Variants in KHDRBS2 observed in about 807,000 individuals in gnomAD.
KHDRBS2 encodes KH RNA binding domain containing, signal transduction associated 2.
KHDRBS2 carries 26 observed loss-of-function variants against 44.3 expected under a neutral mutation model. That is an observed-to-expected ratio of 0.59 (90% CI 0.43 to 0.81). The LOEUF (loss-of-function observed/expected upper bound fraction) is 0.81. Among genes scored for constraint, KHDRBS2 ranks in the 40% least tolerant of loss-of-function variants. The pLI is 0.00. For missense variants in KHDRBS2, 476 were observed against 433.1 expected (o/e 1.10, Z -0.88); for synonymous variants, 194 against 151.1 (o/e 1.28, Z -2.08).
intron 2 of KHDRBS2, among the ~76,000 whole-genome samples, chr6:62,064,718 T>G (rs977364731): frequency 6.6e-6 from 1 of 152,224 alleles, no homozygotes; most frequent in Middle Eastern, 3.4e-3. Flanking sequence ...GTCACAGGCA[T>G]GGGCAAGGGC....
At position 62,219,870 on chromosome 6, in the gene KHDRBS2, T is replaced by A. The variant is rs1830598830; in HGVS notation, c.92-42558A>T. Among the ~76,000 whole-genome samples, 8 of 147,360 alleles carry A rather than the reference T, an allele frequency of 5.4e-5. No individual in the cohort carries two copies. In the South Asian group the frequency reaches 1.5e-3, roughly 27 times the overall value. ...ATAACTTGAAATTATGTGCATAGTT[T>A]TATATATATAACTGTATATACAATC... On this transcript the variant is annotated intron_variant, in intron 1 of 8. Transcript: ENST00000281156.
intron 1 of KHDRBS2, among the ~76,000 whole-genome samples, chr6:62,234,071 T>C (rs191158153): frequency 2.4e-4 from 37 of 152,184 alleles, no homozygotes; most frequent in African/African-American, 8.7e-4. Context: ...AAAAGCAATA[T>C]GTTCAGAAAA....
At chr6:61,719,466 GAAAA>G (rs916872910) in intron 7 of KHDRBS2, among the ~76,000 whole-genome samples, 1 of 148,650 alleles carries the variant, frequency 6.7e-6, no homozygotes, top group South Asian at 2.1e-4. Flanking sequence ...GGAGTATGTA[GAAAA>G]AAAAAGGTTA....
At chr6:61,658,532 T>C in the KHDRBS2 span, among the ~76,000 whole-genome samples, 1 of 151,938 alleles carries the variant, frequency 6.6e-6, no homozygotes, top group Non-Finnish European at 1.5e-5. Context: ...GTTACACATA[T>C]ATTTTAATCC....
intron 7 of KHDRBS2, among the ~76,000 whole-genome samples, chr6:61,723,940 T>C (rs1773126263): frequency 6.6e-6 from 1 of 152,090 alleles, no homozygotes; most frequent in Non-Finnish European, 1.5e-5. Flanking sequence ...CAGGCCAATA[T>C]TCAAATTCAG....
At chr6:62,089,805 C>G (rs372939797) in intron 2 of KHDRBS2, among the ~76,000 whole-genome samples, 1 of 152,228 alleles carries the variant, frequency 6.6e-6, no homozygotes, top group South Asian at 2.1e-4. Flanking sequence ...TTAATTCACT[C>G]TGAAGTAATT....
the KHDRBS2 span, chr6:61,630,625 C>A: frequency 6.6e-6 from 1 of 152,108 alleles, no homozygotes. Context: ...CCAAATGATG[C>A]CTGAAACAAG....
chr6:61,758,372 G>T (rs1186855441), intron 6 of KHDRBS2, among the ~76,000 whole-genome samples: 4 of 151,472 alleles, frequency 2.6e-5, no homozygotes, highest in Non-Finnish European at 5.9e-5. Context: ...CCTTTATTCT[G>T]CTTGTAAGTA....
chr6:62,219,418 A>C (rs16882289), intron 1 of KHDRBS2, among the ~76,000 whole-genome samples: 1,693 of 152,016 alleles, frequency 0.011, 33 homozygotes, highest in African/African-American at 0.039. Context: ...TAAAGACATC[A>C]ATCCACAAAT....
chr6:61,687,650 T>C (rs111816390), intron 8 of KHDRBS2, among the ~76,000 whole-genome samples: 9 of 151,886 alleles, frequency 5.9e-5, no homozygotes, highest in African/African-American at 1.9e-4. Flanking sequence ...TATTTTTATA[T>C]TATTGTGCTT....
In KHDRBS2 at chr6:62,014,059, T is replaced by C. The variant is rs143394841; in HGVS notation, c.336+33819A>G. ...ACTAAGTGGATTGTTGCAGAGAGTA[T>C]GAATGACACTGATTAATATTTCTAA... On this transcript the variant is annotated intron_variant, in intron 3 of 8. Coordinates refer to ENST00000281156, the MANE Select transcript of KHDRBS2 (RefSeq NM_152688.4). Among the ~76,000 whole-genome samples, 186 of 152,256 alleles carry C rather than the reference T, an allele frequency of 1.2e-3. 2 individuals are homozygous for C. The highest frequency in any genetic ancestry group is 4.2e-3 in the African/African-American group (174 of 41,562).
chr6:62,164,482 T>C (rs1818273015), intron 2 of KHDRBS2, among the ~76,000 whole-genome samples: 1 of 151,846 alleles, frequency 6.6e-6, no homozygotes, highest in African/African-American at 2.4e-5. Context: ...GAAAGTAACA[T>C]TAATAATAAC....
In KHDRBS2 at chr6:61,680,512, A is replaced by C. The variant is rs565393246; in HGVS notation, c.*451T>G. ...TAACAGATATTAAAAGACAGGTTAA[A>C]ACATCTTATCTACAACTTTATTATC... On this transcript the variant is annotated 3_prime_UTR_variant, in exon 9 of 9. Transcript: ENST00000281156. 6.6e-6 allele frequency: 1 copy of C among 152,606 alleles called. No homozygotes were observed. Among genetic ancestry groups the C allele is most frequent in the South Asian group, 2.1e-4 (1 of 4,828 alleles). The allele number at this position is 152,606 out of a possible 1,614,324, so 9.5% of individuals were successfully genotyped here.
chr6:61,650,318 TG>T, the KHDRBS2 span, among the ~76,000 whole-genome samples: 2 of 152,074 alleles, frequency 1.3e-5, no homozygotes, highest in Non-Finnish European at 2.9e-5. Flanking sequence ...AAATATTATG[TG>T]TTTTGTTTAT....
intron 2 of KHDRBS2, among the ~76,000 whole-genome samples, chr6:62,073,321 T>A (rs1584523041): frequency 6.6e-6 from 1 of 151,658 alleles, no homozygotes; most frequent in Non-Finnish European, 1.5e-5. Context: ...TTTCATCTCA[T>A]CTACATTATT....
At chr6:62,006,699 C>T (rs1377963916) in intron 3 of KHDRBS2, among the ~76,000 whole-genome samples, 1 of 151,558 alleles carries the variant, frequency 6.6e-6, no homozygotes, top group African/African-American at 2.4e-5. Context: ...TTAAAGGTAA[C>T]TAATAAAGTA....
At chr6:61,554,857 G>A in the KHDRBS2 span, among the ~76,000 whole-genome samples, 3 of 152,146 alleles carry the variant, frequency 2.0e-5, no homozygotes, top group African/African-American at 7.2e-5. Flanking sequence ...CTGGCTTATA[G>A]GATTTCTGCT....
chr6:61,728,913 A>C (rs560215257), intron 7 of KHDRBS2, among the ~76,000 whole-genome samples: 1 of 152,262 alleles, frequency 6.6e-6, no homozygotes, highest in Non-Finnish European at 1.5e-5. Flanking sequence ...GTGGAAGACA[A>C]TGTAATGATT....
chr6:61,834,265 T>G (rs1792298541), intron 6 of KHDRBS2, among the ~76,000 whole-genome samples: 1 of 152,014 alleles, frequency 6.6e-6, no homozygotes, highest in Non-Finnish European at 1.5e-5. Context: ...TGGCACCTCA[T>G]TTTTGGAACC....
Sources: allele counts gnomAD v4.1 joint callset (sites outside exome capture counted in the v4.1 genomes callset), GRCh38; gene constraint gnomAD v4.1.1; transcripts MANE v1.5; gene names NCBI Gene and HGNC (gene_info 2026-07-23, HGNC 2026-07-21).